The following TP53BP1 variants were observed in gnomAD, a reference collection of about 807,000 sequenced individuals.
The protein encoded by TP53BP1 is tumor protein p53 binding protein 1, also known as TP53-binding protein 1.
Under a neutral mutation model 200.8 loss-of-function variants are expected in TP53BP1, and 61 were observed. That is an observed-to-expected ratio of 0.30 (90% CI 0.25 to 0.38). TP53BP1 has a LOEUF of 0.38. TP53BP1 is among the 10% of genes least tolerant of loss of function. TP53BP1 has a pLI of 1.00. For synonymous variants in TP53BP1, 822 were observed against 844.3 expected (o/e 0.97, Z 0.46); for missense variants, 2,144 against 2,371.9 (o/e 0.90, Z 2.00).
chr15:43,507,631 C>G (rs1038882871), intron 1 of TP53BP1, among the ~76,000 whole-genome samples: 2 of 151,962 alleles, frequency 1.3e-5, no homozygotes, highest in Non-Finnish European at 2.9e-5. Flanking sequence ...ATTTAGCTTT[C>G]TAAGTCTTAT....
intron 17 of TP53BP1, among the ~76,000 whole-genome samples, chr15:43,431,396 G>A (rs1303312849): frequency 1.3e-5 from 2 of 151,930 alleles, no homozygotes; most frequent in African/African-American, 4.8e-5. Context: ...ACATTTCTAC[G>A]ACTTCTTTTC....
chr15:43,477,302 A>G (rs1360074605), intron 8 of TP53BP1, among the ~76,000 whole-genome samples: 1 of 151,024 alleles, frequency 6.6e-6, no homozygotes, highest in Non-Finnish European at 1.5e-5. Context: ...TCCATCTCAA[A>G]AAAAAAAAAA....
At chr15:43,415,448 G>T in intron 23 of TP53BP1, 146 bp downstream of exon 23, 1 of 815,714 alleles carries the variant, frequency 1.2e-6, no homozygotes, top group Non-Finnish European at 2.1e-6. Context: ...AGCTGTCCCT[G>T]AATATCACCT....
rs1455602168 is a variant in TP53BP1 at position 43,405,713 on chromosome 15, T to C, written c.*1670A>G. On this transcript the variant is annotated 3_prime_UTR_variant, in exon 28 of 28. Coordinates refer to ENST00000382044, the MANE Select transcript of TP53BP1 (RefSeq NM_001141980.3). ...ACCAAGTAATTTATACCTACACAGATTGGGCAATTCTAGCTAATGAAAATA... is the reference window on the plus strand; with the variant it reads ...ACCAAGTAATTTATACCTACACAGACTGGGCAATTCTAGCTAATGAAAATA... 2.0e-5 allele frequency: 3 copies of C among 153,728 alleles called. No individual in the cohort carries two copies. The highest frequency in any genetic ancestry group is 4.3e-5 in the Non-Finnish European group (3 of 69,208). 9.5% of individuals were successfully genotyped at this position (153,728 alleles called of 1,614,324 possible).
intron 5 of TP53BP1, 81 bp downstream of exon 5, chr15:43,480,814 G>C (rs2078953602): frequency 6.8e-7 from 1 of 1,463,016 alleles, no homozygotes; most frequent in African/African-American, 1.4e-5. Context: ...ACCTAATAAA[G>C]AGGAGAAATT....
intron 11 of TP53BP1, 61 bp from the exon 12 acceptor site, chr15:43,457,279 G>A (rs900078873): frequency 1.5e-5 from 20 of 1,355,702 alleles, no homozygotes; most frequent in Middle Eastern, 2.6e-4. Context: ...CTTTTATATC[G>A]AATCCTTGGA....
chr15:43,436,161 T>C (rs1442119785), intron 16 of TP53BP1, among the ~76,000 whole-genome samples: 1 of 152,050 alleles, frequency 6.6e-6, no homozygotes, highest in Admixed American at 6.6e-5. Context: ...CTGGCTAATT[T>C]TGTACTTTTT....
intron 4 of TP53BP1, among the ~76,000 whole-genome samples, chr15:43,482,490 T>C (rs571139136): frequency 6.6e-6 from 1 of 150,802 alleles, no homozygotes; most frequent in Admixed American, 6.6e-5. Context: ...AAAATTAGGC[T>C]GGGCGCGGTG....
chr15:43,406,598 C>CG lies in TP53BP1; in HGVS notation c.*784_*785insC, dbSNP rs1376552696. ...GAAATATTTACTCTTTGACCCTTTA[C>CG]AGAAAAAAACCTTGTTGACCCCTGC... On this transcript the variant is annotated 3_prime_UTR_variant, in exon 28 of 28. Transcript: ENST00000382044. 2.2e-6 allele frequency: 1 copy of CG among 455,948 alleles called. No individual in the cohort carries two copies. The highest frequency in any genetic ancestry group is 1.5e-5 in the South Asian group (1 of 64,552). The allele number at this position is 455,948 out of a possible 1,614,324, so 28.2% of individuals were successfully genotyped here. A position where few individuals can be genotyped will look rare whatever the true frequency, so the allele number is the denominator to read the frequency against.
chr15:43,411,913 T>C (rs1034957315), intron 24 of TP53BP1, among the ~76,000 whole-genome samples: 2 of 152,052 alleles, frequency 1.3e-5, no homozygotes, highest in African/African-American at 4.8e-5. Flanking sequence ...AGTCCAGCAA[T>C]ATTGTAAAAG....
Position 43,456,568 on chromosome 15 carries a change from T to C in TP53BP1, c.2040A>G (p.Gln680=), listed in dbSNP as rs1257781767. The part of the protein sequence containing the change: ...EEIPETPCES[Q]GEELKEENME... ...TATTTTCTTCTTTGAGTTCCTCTCCTTGACTTTCACAAGGTGTCTCAGGGA... is the reference window on the plus strand; with the variant it reads ...TATTTTCTTCTTTGAGTTCCTCTCCCTGACTTTCACAAGGTGTCTCAGGGA... The change falls in exon 12 of 28, where the codon CAA becomes CAG. Residue 680 remains glutamine (Q), a synonymous_variant. Transcript: ENST00000382044. 1.9e-6 allele frequency: 3 copies of C among 1,613,708 alleles called. No individual in the cohort carries two copies. Among genetic ancestry groups the C allele is most frequent in the South Asian group, 2.2e-5 (2 of 91,024 alleles).
intron 1 of TP53BP1, among the ~76,000 whole-genome samples, chr15:43,503,716 A>G (rs2079221672): frequency 6.6e-6 from 1 of 151,878 alleles, no homozygotes; most frequent in African/African-American, 2.4e-5. Context: ...CCTTCCACAG[A>G]TGTCAGGCTT....
At chr15:43,409,515 G>T in intron 25 of TP53BP1, 132 bp downstream of exon 25, 1 of 524,628 alleles carries the variant, frequency 1.9e-6, no homozygotes, top group Non-Finnish European at 3.3e-6. Flanking sequence ...AAAACATTTT[G>T]GCAGTTTCTC....
At chr15:43,500,799 C>T (rs149180074) in intron 1 of TP53BP1, among the ~76,000 whole-genome samples, 24 of 151,510 alleles carry the variant, frequency 1.6e-4, no homozygotes, top group African/African-American at 3.6e-4. Context: ...CCAGCCTGGG[C>T]GACAGAGTGA....
intron 23 of TP53BP1, chr15:43,413,906 T>C: frequency 3.0e-6 from 1 of 334,326 alleles, no homozygotes; most frequent in Non-Finnish European, 6.1e-6. Context: ...ATAAAGTGTT[T>C]TTACACATAG....
Position 43,407,394 on chromosome 15 carries a change from C to T in TP53BP1, c.5923G>A (p.Val1975Ile), listed in dbSNP as rs545814609. ...KQHPKYKHDY[V>I]SH ...AAGACCAAGTATCTTTAGTGAGAAA[C>T]ATAATCGTGTTTATATTTTGGATGC... Residue 1975 changes from valine to isoleucine, a missense_variant, in exon 28 of 28, where the codon GTT (valine) becomes ATT (isoleucine). Physicochemically the swap from Val to Ile is conservative, Grantham distance 29. This residue lies in a region of TP53BP1 where 334 missense variants were observed against 453.4 expected (regional missense o/e 0.74). Transcript: ENST00000382044. The T allele has an allele frequency of 1.2e-6, 2 of 1,614,034 alleles. No homozygotes were observed. The highest frequency in any genetic ancestry group is 3.3e-5 in the Admixed American group (2 of 60,016).
Position 43,403,470 on chromosome 15 carries a change from A to G in TP53BP1, c.*3913T>C. On this transcript the variant is annotated 3_prime_UTR_variant, in exon 28 of 28. Transcript: ENST00000382044. ...AGGTTTGGTGCAGGGCTAAGAGAGT[A>G]ATACTCGCTTAGCCAGGAAAGGATG... is the stretch of plus-strand genomic sequence containing the variant. 4 of 503,164 alleles carry G rather than the reference A, an allele frequency of 7.9e-6. No homozygotes were observed. The South Asian group carries it at 1.0e-4, about 13-fold the overall frequency. The allele number at this position is 503,164 out of a possible 1,614,324, so 31.2% of individuals were successfully genotyped here.
At position 43,443,610 on chromosome 15, in the gene TP53BP1, G is replaced by A. The variant is rs183177487; in HGVS notation, c.3041-2027C>T. Among the ~76,000 whole-genome samples the A allele has an allele frequency of 2.0e-3, 305 of 152,290 alleles. 3 individuals are homozygous for A. The highest frequency in any genetic ancestry group is 2.8e-3 in the Non-Finnish European group (193 of 68,032). ...CTCAGGGGGCTAAGATGGGAGGATC[G>A]CTTGAGCCTGGGAGATGGAGGCTGC... On this transcript the variant is annotated intron_variant, in intron 14 of 27. Coordinates refer to ENST00000382044, the MANE Select transcript of TP53BP1 (RefSeq NM_001141980.3).
chr15:43,505,300 T>C (rs1029597511), intron 1 of TP53BP1, among the ~76,000 whole-genome samples: 1 of 152,190 alleles, frequency 6.6e-6, no homozygotes, highest in African/African-American at 2.4e-5. Flanking sequence ...AACTAAGTTA[T>C]ATAGTTAGGT....
Sources: allele counts gnomAD v4.1 joint callset (sites outside exome capture counted in the v4.1 genomes callset), GRCh38; gene constraint gnomAD v4.1.1; regional missense constraint gnomAD v4.1.1; transcripts MANE v1.5; gene names NCBI Gene and HGNC (gene_info 2026-07-23, HGNC 2026-07-21).